The following LRP1B variants were observed in gnomAD, a reference collection of about 807,000 sequenced individuals.
The protein encoded by LRP1B is low-density lipoprotein receptor-related protein 1B.
In LRP1B, 217 loss-of-function variants were observed where a neutral mutation model predicts 556.6. The ratio of observed to expected loss-of-function variants is 0.39; its 90% CI spans 0.35 to 0.44. The LOEUF is 0.44. Among genes scored for constraint, LRP1B ranks in the 20% least tolerant of loss-of-function variants. LRP1B has a pLI of 1.00. For missense variants in LRP1B, 5,053 were observed against 5,620.8 expected (o/e 0.90, Z 3.23); for synonymous variants, 2,047 against 1,865.8 (o/e 1.10, Z -2.50).
At chr2:140,317,221 T>TCCC (rs1178792401) in intron 82 of LRP1B, among the ~76,000 whole-genome samples, 1 of 152,108 alleles carries the variant, frequency 6.6e-6, no homozygotes, top group African/African-American at 2.4e-5. Flanking sequence ...AAAGGTAATG[T>TCCC]GGTGTCTTGG....
At chr2:140,329,844 A>G (rs766550587) in intron 79 of LRP1B, among the ~76,000 whole-genome samples, 1 of 151,660 alleles carries the variant, frequency 6.6e-6, no homozygotes, top group Non-Finnish European at 1.5e-5. Flanking sequence ...ATTCACTGCT[A>G]TTCCTGTTAA....
chr2:141,264,495 A>C (rs570256205), intron 3 of LRP1B, among the ~76,000 whole-genome samples: 3 of 152,262 alleles, frequency 2.0e-5, no homozygotes, highest in Middle Eastern at 3.4e-3. Context: ...TACTCTTGTC[A>C]TCCAGGCTGG....
intron 77 of LRP1B, among the ~76,000 whole-genome samples, chr2:140,345,679 T>G (rs1399732919): frequency 6.8e-6 from 1 of 146,826 alleles, no homozygotes; most frequent in Non-Finnish European, 1.5e-5. Context: ...TATATAGATA[T>G]ATATATAAAA....
intron 3 of LRP1B, among the ~76,000 whole-genome samples, chr2:141,420,700 C>T (rs1227070094): frequency 6.6e-6 from 1 of 152,174 alleles, no homozygotes; most frequent in Admixed American, 6.5e-5. Flanking sequence ...CCCTCCTTTC[C>T]TTCTAAAGGA....
Position 141,571,702 on chromosome 2 carries a change from G to T in LRP1B, c.206-91169C>A, listed in dbSNP as rs1367725762. 2.0e-5 allele frequency among the ~76,000 whole-genome samples: 3 copies of T among 151,990 alleles called. No homozygotes were observed. In the East Asian group the frequency reaches 5.8e-4, roughly 30 times the overall value. On this transcript the variant is annotated intron_variant, in intron 2 of 90. Coordinates refer to ENST00000389484, the MANE Select transcript of LRP1B (RefSeq NM_018557.3). The stretch of plus-strand genomic sequence containing the variant: ...ACCTTGACAAAAGGTTAGAGGAATT[G>T]CCACTAGAACAACCAGTTTAGAGAG...
At chr2:140,247,817 T>C (rs2104900682) in intron 86 of LRP1B, among the ~76,000 whole-genome samples, 1 of 151,774 alleles carries the variant, frequency 6.6e-6, no homozygotes, top group East Asian at 1.9e-4. Context: ...TTAAAAGCCA[T>C]TATTTAAACA....
At chr2:140,322,230 A>C in intron 81 of LRP1B, 142 bp from the exon 82 acceptor site, 1 of 737,520 alleles carries the variant, frequency 1.4e-6, no homozygotes, top group South Asian at 1.8e-5. Context: ...GGAGTATCTC[A>C]CTCAATATCA....
chr2:141,819,622 G>T (rs971466297), intron 1 of LRP1B, among the ~76,000 whole-genome samples: 2 of 152,166 alleles, frequency 1.3e-5, no homozygotes, highest in Non-Finnish European at 2.9e-5. Context: ...GGGATAGGAA[G>T]AAATTTGTTA....
At chr2:140,476,122 G>T (rs574586142) in intron 59 of LRP1B, among the ~76,000 whole-genome samples, 5 of 151,960 alleles carry the variant, frequency 3.3e-5, no homozygotes, top group Non-Finnish European at 5.9e-5. Flanking sequence ...TGCAAATAAC[G>T]TATAAGCGGC....
intron 1 of LRP1B, among the ~76,000 whole-genome samples, chr2:141,840,749 A>G (rs1697441207): frequency 6.6e-6 from 1 of 152,180 alleles, no homozygotes; most frequent in African/African-American, 2.4e-5. Context: ...AAAATACAGG[A>G]GAAAGATGGC....
intron 5 of LRP1B, 140 bp downstream of exon 5, chr2:141,247,086 A>G (rs1684094234): frequency 2.3e-6 from 2 of 878,976 alleles, no homozygotes; most frequent in Non-Finnish European, 1.8e-6. Context: ...ATTCCTAACT[A>G]TAGAGAAGTG....
intron 7 of LRP1B, among the ~76,000 whole-genome samples, chr2:141,130,361 A>T (rs1701318957): frequency 6.6e-6 from 1 of 152,114 alleles, no homozygotes; most frequent in African/African-American, 2.4e-5. Context: ...GAAAAAGACA[A>T]ATTAAAATTA....
chr2:141,332,722 T>TATA (rs1491433574), intron 3 of LRP1B, among the ~76,000 whole-genome samples: 1 of 104,124 alleles, frequency 9.6e-6, no homozygotes, highest in Non-Finnish European at 2.4e-5. Context: ...TGCCTTATTT[T>TATA]TTTATATATA....
chr2:141,038,798 G>A (rs925933626), intron 11 of LRP1B, among the ~76,000 whole-genome samples: 3 of 152,030 alleles, frequency 2.0e-5, no homozygotes, highest in African/African-American at 7.2e-5. Flanking sequence ...AAGGACTTCT[G>A]AAGTAGTAAC....
At chr2:140,735,219 C>T (rs764140402) in intron 35 of LRP1B, among the ~76,000 whole-genome samples, 4 of 152,134 alleles carry the variant, frequency 2.6e-5, no homozygotes, top group Non-Finnish European at 4.4e-5. Context: ...GTGGAAGTTG[C>T]TAAGGGGGAA....
rs74633117 is a variant in LRP1B at position 141,561,514 on chromosome 2, C to G, written c.206-80981G>C. On this transcript the variant is annotated intron_variant, in intron 2 of 90. Transcript: ENST00000389484. The stretch of plus-strand genomic sequence containing the variant: ...AAACATCCTGTCTCTGTGAATATCC[C>G]CATTTATTACCTTTCTGCATTACCA... 1.2e-3 allele frequency among the ~76,000 whole-genome samples: 179 copies of G among 151,858 alleles called. 6 individuals carry two copies. In the East Asian group the frequency reaches 0.033, roughly 28 times the overall value.
At chr2:141,989,232 T>A (rs1337551149) in intron 1 of LRP1B, among the ~76,000 whole-genome samples, 1 of 151,348 alleles carries the variant, frequency 6.6e-6, no homozygotes, top group African/African-American at 2.4e-5. Flanking sequence ...TGGTAATGAT[T>A]TGCATGAAAG....
At chr2:140,851,542 A>G (rs2105120758) in intron 28 of LRP1B, 110 bp downstream of exon 28, 1 of 1,266,104 alleles carries the variant, frequency 7.9e-7, no homozygotes, top group Admixed American at 2.6e-5. Flanking sequence ...ATTTTTGAAA[A>G]CAGAAAAAAA....
chr2:140,538,506 C>T (rs998809033), intron 45 of LRP1B, among the ~76,000 whole-genome samples: 2 of 151,958 alleles, frequency 1.3e-5, no homozygotes, highest in Non-Finnish European at 2.9e-5. Context: ...GTCAATTCAC[C>T]TTATTTATTT....
Sources: gnomAD v4.1 joint callset for allele counts (sites outside exome capture counted in the v4.1 genomes callset) on GRCh38, gnomAD v4.1.1 for gene constraint, MANE v1.5 for transcripts, NCBI Gene and HGNC (gene_info 2026-07-23, HGNC 2026-07-21) for gene names.